The following MAU2 variants were observed in gnomAD, a reference collection of about 807,000 sequenced individuals.
MAU2 encodes MAU2 sister chromatid cohesion factor.
Under a neutral mutation model 89.1 loss-of-function variants are expected in MAU2, and 9 were observed. That is an observed-to-expected ratio of 0.10 (90% confidence interval 0.06 to 0.18). The LOEUF (loss-of-function observed/expected upper bound fraction) is 0.18. MAU2 is among the 10% of genes least tolerant of loss of function. MAU2 has a pLI of 1.00. For missense variants in MAU2, 425 were observed against 803.5 expected (o/e 0.53, Z 5.69); for synonymous variants, 357 against 343.4 (o/e 1.04, Z -0.44).
chr19:19,349,164 C>T lies in MAU2; in HGVS notation c.1368C>T (p.Cys456=). The change falls in exon 15 of 19, where the codon TGC becomes TGT. Residue 456 remains cysteine, a synonymous_variant. Transcript: ENST00000262815. The part of the protein sequence containing the change: ...PDHSFPVSSH[C]LRAAAFYVRG... ...TGCACTCTCCCTGCAGCTCGCACTG[C>T]CTCCGAGCAGCCGCCTTCTATGTGC... The T allele has an allele frequency of 1.9e-6, 3 of 1,614,112 alleles. No homozygotes were observed. In the South Asian group the frequency reaches 3.3e-5, roughly 18 times the overall value.
intron 1 of MAU2, among the ~76,000 whole-genome samples, chr19:19,330,457 C>A (rs1568651612): frequency 6.6e-6 from 1 of 151,890 alleles, no homozygotes; most frequent in African/African-American, 2.4e-5. Context: ...ATTAGTTGGG[C>A]CTGCCAGGCG....
At chr19:19,349,034 C>T (rs1366830454) in intron 14 of MAU2, 96 bp downstream of exon 14, 1 of 1,554,214 alleles carries the variant, frequency 6.4e-7, no homozygotes, top group African/African-American at 1.4e-5. Flanking sequence ...ACACCCCATA[C>T]CCCTCCTCAC....
At chr19:19,348,783 C>A in intron 13 of MAU2, 106 bp from the exon 14 acceptor site, 1 of 1,252,658 alleles carries the variant, frequency 8.0e-7, no homozygotes, top group African/African-American at 1.5e-5. Flanking sequence ...CTGGAGGCCA[C>A]AGTCCCGACG....
At chr19:19,354,527 GC>G in intron 17 of MAU2, 82 bp downstream of exon 17, 1 of 1,289,850 alleles carries the variant, frequency 7.8e-7, no homozygotes, top group Non-Finnish European at 1.1e-6. Flanking sequence ...GTCCTGCTCA[GC>G]CTTAGCTCGG....
chr19:19,355,381 A>T lies in MAU2; in HGVS notation c.1757A>T (p.Asn586Ile). 1 of 1,613,862 alleles carries T rather than the reference A, an allele frequency of 6.2e-7. No homozygotes were observed. ...HIEACSLPEH[N>I]LITWTDGPPP... ...GAGGCCTGCAGCCTCCCCGAACACAACCTCATCACGGTACGGGTGTGGGTG... is the reference window on the plus strand; with the variant it reads ...GAGGCCTGCAGCCTCCCCGAACACATCCTCATCACGGTACGGGTGTGGGTG... Residue 586 changes from asparagine (N) to isoleucine (I), a missense_variant, in exon 18 of 19, where the codon AAC (asparagine) becomes ATC (isoleucine). Around this residue, in one of 11 missense-constraint regions of MAU2, gnomAD observed 42 missense variants for 42.4 expected, o/e 0.99. Transcript: ENST00000262815.
chr19:19,340,504 TG>T (rs1420315357), intron 5 of MAU2, among the ~76,000 whole-genome samples: 3 of 151,594 alleles, frequency 2.0e-5, no homozygotes, highest in Non-Finnish European at 4.4e-5. Flanking sequence ...CCGGGCGTGG[TG>T]GCGGGCGCCT....
At chr19:19,337,844 G>C (rs1387604266) in intron 4 of MAU2, among the ~76,000 whole-genome samples, 1 of 152,214 alleles carries the variant, frequency 6.6e-6, no homozygotes, top group Non-Finnish European at 1.5e-5. Context: ...GTGAAGCCCT[G>C]GTCTCTGAGC....
chr19:19,345,221 G>C lies in MAU2; in HGVS notation c.1156-83G>C. 1 of 1,257,366 alleles carries C rather than the reference G, an allele frequency of 8.0e-7. No individual in the cohort carries two copies. The highest frequency in any genetic ancestry group is 2.3e-5 in the East Asian group (1 of 42,796). 77.9% of individuals were successfully genotyped at this position (1,257,366 alleles called of 1,614,324 possible). On this transcript the variant is annotated intron_variant, in intron 11 of 18. Coordinates refer to ENST00000262815, the MANE Select transcript of MAU2 (RefSeq NM_015329.4). The surrounding 1 kb of genome is among the most constrained non-coding windows in gnomAD (Gnocchi z 4.9). ...TGTCATACTCCTCCAGGGCAGCCGTGCAGGCCCCGGGCACACCACGTGTCT... is the reference window on the plus strand; with the variant it reads ...TGTCATACTCCTCCAGGGCAGCCGTCCAGGCCCCGGGCACACCACGTGTCT...
chr19:19,331,445 T>C (rs1429925145), intron 1 of MAU2, among the ~76,000 whole-genome samples: 2 of 150,368 alleles, frequency 1.3e-5, no homozygotes, highest in Non-Finnish European at 3.0e-5. Context: ...GAGCTTGCAG[T>C]GAGCTGAGAT....
chr19:19,347,254 C>T (rs1481946688), intron 12 of MAU2, 26 bp from the exon 13 acceptor site: 1 of 1,560,864 alleles, frequency 6.4e-7, no homozygotes, highest in Non-Finnish European at 8.8e-7. Flanking sequence ...GACCCAGCCC[C>T]CTAATGTCCC....
rs1450985245 is a variant in MAU2, at chr19:19,330,271, C to G, written c.277-5447C>G. 1.3e-4 allele frequency among the ~76,000 whole-genome samples: 19 copies of G among 151,698 alleles called. No individual in the cohort carries two copies. In the East Asian group the frequency reaches 3.8e-3, roughly 30 times the overall value. On this transcript the variant is annotated intron_variant, in intron 1 of 18. Coordinates refer to ENST00000262815, the MANE Select transcript of MAU2 (RefSeq NM_015329.4). ...CCAGGATTACAGGCGTGAGCCATTG[C>G]TCCCAGCCAACCCTGTCTCTTATAA...
At chr19:19,332,355 C>G (rs1171433369) in intron 1 of MAU2, among the ~76,000 whole-genome samples, 5 of 117,938 alleles carry the variant, frequency 4.2e-5, no homozygotes, top group Admixed American at 2.0e-4. Context: ...TTTTTTAGAG[C>G]GAGAGACAGG....
chr19:19,323,194 ATT>A, intron 1 of MAU2, among the ~76,000 whole-genome samples: 1 of 146,868 alleles, frequency 6.8e-6, no homozygotes, highest in Non-Finnish European at 1.5e-5. Flanking sequence ...GCCCCAGATA[ATT>A]TTTTTTCTTT....
At chr19:19,333,983 G>C (rs1230258214) in intron 1 of MAU2, among the ~76,000 whole-genome samples, 1 of 152,192 alleles carries the variant, frequency 6.6e-6, no homozygotes, top group Non-Finnish European at 1.5e-5. Context: ...CCTCAGCCCA[G>C]CTCTAGTACG....
intron 16 of MAU2, among the ~76,000 whole-genome samples, chr19:19,351,888 G>T (rs1273647037): frequency 9.3e-6 from 1 of 107,956 alleles, no homozygotes; most frequent in African/African-American, 3.7e-5. Context: ...TTGCTCTCTT[G>T]CCCAGGCTGG....
chr19:19,356,346 G>A lies in MAU2; in HGVS notation c.*564G>A, dbSNP rs745789874. 5 of 320,882 alleles carry A rather than the reference G, an allele frequency of 1.6e-5. No homozygotes were observed. Among genetic ancestry groups the A allele is most frequent in the Non-Finnish European group, 3.1e-5 (5 of 161,958 alleles). The allele number at this position is 320,882 out of a possible 1,614,324, so 19.9% of individuals were successfully genotyped here. On this transcript the variant is annotated 3_prime_UTR_variant, in exon 19 of 19. Coordinates refer to ENST00000262815, the MANE Select transcript of MAU2 (RefSeq NM_015329.4). The stretch of plus-strand genomic sequence containing the variant: ...CTCTCCAGCATCAGTCCCTGCAGCA[G>A]CTGGGGCCTCTGGTCAGGAACCCTC...
chr19:19,322,976 C>T (rs377756218), intron 1 of MAU2, among the ~76,000 whole-genome samples: 96 of 152,216 alleles, frequency 6.3e-4, no homozygotes, highest in African/African-American at 2.2e-3. Flanking sequence ...CTGCAACCTC[C>T]GTCTCCCGGG....
At position 19,340,839 on chromosome 19, in the gene MAU2, T is replaced by A. The variant is rs2061639000; in HGVS notation, c.552-7T>A. The A allele has an allele frequency of 2.5e-6, 4 of 1,613,166 alleles. No homozygotes were observed. In the East Asian group the frequency reaches 8.9e-5, roughly 36 times the overall value. The stretch of plus-strand genomic sequence containing the variant: ...CTAGGACCTGACCCCTGCCTCTTGT[T>A]TTGCAGGGCGCTGTTCCTCCTCAGC... On this transcript the variant is annotated splice_polypyrimidine_tract_variant and splice_region_variant and intron_variant, in intron 5 of 18. Coordinates refer to ENST00000262815, the MANE Select transcript of MAU2 (RefSeq NM_015329.4).
chr19:19,324,230 T>C (rs1409596183), intron 1 of MAU2, among the ~76,000 whole-genome samples: 1 of 152,138 alleles, frequency 6.6e-6, no homozygotes, highest in Non-Finnish European at 1.5e-5. Context: ...AGTCTCTATT[T>C]GTGGGAGTGA....
Sources: gnomAD v4.1 joint callset for allele counts (sites outside exome capture counted in the v4.1 genomes callset) on GRCh38, gnomAD v4.1.1 for gene constraint, gnomAD v4.1.1 regional missense constraint, Gnocchi (gnomAD v3.1) non-coding constraint, MANE v1.5 for transcripts, NCBI Gene and HGNC (gene_info 2026-07-23, HGNC 2026-07-21) for gene names.